Variants in QDPR observed in about 807,000 individuals in gnomAD.
QDPR encodes the protein quinoid dihydropteridine reductase, also known as dihydropteridine reductase.
QDPR carries 23 observed loss-of-function variants against 31.7 expected under a neutral mutation model. That is an observed-to-expected ratio of 0.73 (90% CI 0.52 to 1.03). The LOEUF (loss-of-function observed/expected upper bound fraction) is 1.03. Ranked by LOEUF, QDPR falls within the 50% of genes least tolerant of loss-of-function variation. The pLI, the probability that QDPR is intolerant of heterozygous loss-of-function variation, is 0.00. For missense variants in QDPR, 324 were observed against 323.8 expected (o/e 1.00, Z 0.00); for synonymous variants, 124 against 124.7 (o/e 0.99, Z 0.03).
intron 3 of QDPR, among the ~76,000 whole-genome samples, chr4:17,503,555 G>C (rs992685309): frequency 6.6e-6 from 1 of 152,210 alleles, no homozygotes; most frequent in Non-Finnish European, 1.5e-5. Flanking sequence ...CTCAAGTACA[G>C]CAAATGTTAA....
chr4:17,505,922 C>A (rs1366171125), intron 2 of QDPR, among the ~76,000 whole-genome samples: 1 of 152,188 alleles, frequency 6.6e-6, no homozygotes, highest in Non-Finnish European at 1.5e-5. Flanking sequence ...ACGCATCTCT[C>A]AATCTCTGTC....
intron 2 of QDPR, among the ~76,000 whole-genome samples, chr4:17,506,904 C>G (rs1577194548): frequency 6.6e-6 from 1 of 152,284 alleles, no homozygotes; most frequent in East Asian, 1.9e-4. Flanking sequence ...CAGAGTTGTG[C>G]TCACAGTTTT....
At chr4:17,509,454 T>C in intron 1 of QDPR, 91 bp from the exon 2 acceptor site, 2 of 1,163,232 alleles carry the variant, frequency 1.7e-6, no homozygotes, top group Middle Eastern at 2.2e-4. Flanking sequence ...TGGCCAGGTG[T>C]AGTGGTTCAC....
At chr4:17,499,775 C>T (rs1391367027) in intron 4 of QDPR, among the ~76,000 whole-genome samples, 1 of 152,088 alleles carries the variant, frequency 6.6e-6, no homozygotes, top group Non-Finnish European at 1.5e-5. Flanking sequence ...CAAAAATTAG[C>T]CAGGCATGGC....
At chr4:17,497,416 CCCA>C (rs1431178481) in intron 4 of QDPR, among the ~76,000 whole-genome samples, 8 of 150,834 alleles carry the variant, frequency 5.3e-5, no homozygotes, top group African/African-American at 2.0e-4. Flanking sequence ...TGGACTCACC[CCCA>C]CCAAGAGCAC....
intron 5 of QDPR, 24 bp from the exon 6 acceptor site, chr4:17,490,769 G>C (rs373126093): frequency 6.3e-7 from 1 of 1,583,322 alleles, no homozygotes; most frequent in East Asian, 2.2e-5. Flanking sequence ...AGATAAGCAC[G>C]TCATTCATGT....
intron 4 of QDPR, among the ~76,000 whole-genome samples, chr4:17,498,459 CTT>C (rs941399308): frequency 2.2e-4 from 33 of 152,190 alleles, no homozygotes; most frequent in Non-Finnish European, 4.0e-4. Context: ...AGAGCTCTCT[CTT>C]GACTCCATTC....
At chr4:17,490,800 T>G in intron 5 of QDPR, 55 bp from the exon 6 acceptor site, 1 of 1,445,048 alleles carries the variant, frequency 6.9e-7, no homozygotes, top group Non-Finnish European at 9.7e-7. Context: ...TAACAACAGG[T>G]GCCCAGTCCC....
chr4:17,501,873 A>G lies in QDPR; in HGVS notation c.296-14T>C. ...TCTTAAAGAGAGCTGAGTGAAAAAA[A>G]CATGTGGGCTCAGCATTCCCAGGAA... On this transcript the variant is annotated splice_polypyrimidine_tract_variant and intron_variant, in intron 3 of 6. Coordinates refer to ENST00000281243, the MANE Select transcript of QDPR (RefSeq NM_000320.3). 2 of 1,614,070 alleles carry G rather than the reference A, an allele frequency of 1.2e-6. No homozygotes were observed. The highest frequency in any genetic ancestry group is 1.7e-6 in the Non-Finnish European group (2 of 1,179,990).
chr4:17,502,465 C>CA (rs1718606264), intron 3 of QDPR, among the ~76,000 whole-genome samples: 1 of 151,954 alleles, frequency 6.6e-6, no homozygotes, highest in African/African-American at 2.4e-5. Context: ...ACCTGGTGAT[C>CA]AAAAAAGGAT....
In QDPR at chr4:17,492,340, C is replaced by G. The variant is rs144673363; in HGVS notation, c.437G>C (p.Gly146Ala). ...CTTGGCCATGCCGTACCCGATCATA[C>G]CTGGGAAATGGGGAGAAGATGGCTC... ...GAKAALDGTP[G>A]MIGYGMAKGA... The change falls in exon 5 of 7, where the codon GGT becomes GCT. Residue 146 changes from glycine (G) to alanine (A), a missense_variant and splice_region_variant. Transcript: ENST00000281243. 3 of 1,613,694 alleles carry G rather than the reference C, an allele frequency of 1.9e-6. No individual in the cohort carries two copies. Among genetic ancestry groups the G allele is most frequent in the African/African-American group, 2.7e-5 (2 of 74,916 alleles).
chr4:17,502,630 C>T (rs912191926), intron 3 of QDPR, among the ~76,000 whole-genome samples: 4 of 152,240 alleles, frequency 2.6e-5, no homozygotes, highest in African/African-American at 9.6e-5. Flanking sequence ...CTAACCTGAT[C>T]ACCTCACAAA....
At chr4:17,491,759 A>G (rs1718172027) in intron 5 of QDPR, among the ~76,000 whole-genome samples, 1 of 152,192 alleles carries the variant, frequency 6.6e-6, no homozygotes, top group Admixed American at 6.5e-5. Flanking sequence ...TATGGTCTGA[A>G]TGTATCCCCC....
Position 17,509,234 on chromosome 4 carries a change from T to A in QDPR, c.198+37A>T, listed in dbSNP as rs139219760. ...AGCCAGTGGTCACCTCTCCCCAGGG[T>A]TCCCCTCACAATGTTTGGGGGCCTT... On this transcript the variant is annotated intron_variant, in intron 2 of 6. Coordinates refer to ENST00000281243, the MANE Select transcript of QDPR (RefSeq NM_000320.3). The A allele has an allele frequency of 2.0e-6, 3 of 1,505,248 alleles. No individual in the cohort carries two copies. In the African/African-American group the frequency reaches 4.1e-5, roughly 21 times the overall value. The allele number at this position is 1,505,248 out of a possible 1,614,324, so 93.2% of individuals were successfully genotyped here.
At chr4:17,492,145 C>A in intron 5 of QDPR, 87 bp downstream of exon 5, 1 of 1,053,438 alleles carries the variant, frequency 9.5e-7, no homozygotes, top group East Asian at 2.4e-5. Flanking sequence ...ACACCCAGGT[C>A]GCCTGTGGAA....
intron 6 of QDPR, among the ~76,000 whole-genome samples, chr4:17,489,874 A>G (rs1170991457): frequency 6.6e-6 from 1 of 152,204 alleles, no homozygotes; most frequent in East Asian, 1.9e-4. Context: ...AGCAGTTTAC[A>G]CAGAGGCACT....
chr4:17,504,470 A>G lies in QDPR; in HGVS notation c.204T>C (p.Thr68=), dbSNP rs577256286. Residue 68 remains threonine (T), a synonymous_variant, in exon 3 of 7, where the codon ACT becomes ACC. Coordinates refer to ENST00000281243, the MANE Select transcript of QDPR (RefSeq NM_000320.3). ...DSFTEQADQV[T]AEVGKLLGEE... ...CACCCAAGAGCTTTCCAACCTCAGC[A>G]GTCACCTTCAACACAAGAACAAAAA... is the stretch of plus-strand genomic sequence containing the variant. 5 of 1,614,008 alleles carry G rather than the reference A, an allele frequency of 3.1e-6. No homozygotes were observed. In the South Asian group the frequency reaches 5.5e-5, roughly 18 times the overall value.
intron 5 of QDPR, 44 bp downstream of exon 5, chr4:17,492,188 G>A (rs370222711): frequency 1.0e-5 from 16 of 1,535,750 alleles, no homozygotes; most frequent in Non-Finnish European, 1.4e-5. Context: ...ACCTGCAGCA[G>A]TGGGGCAGAG....
Position 17,490,717 on chromosome 4 carries a change from T to G in QDPR, c.574A>C (p.Lys192Gln). The change falls in exon 6 of 7, where the codon AAA becomes CAA. Residue 192 changes from lysine to glutamine, a missense_variant. Coordinates refer to ENST00000281243, the MANE Select transcript of QDPR (RefSeq NM_000320.3). ...CTGAAGTCAGCCTCAGGCATTGATT[T>G]CCTGTTCATCGGGGTATCCAGGGTA... Reference protein sequence around the residue: ...PVTLDTPMNRKSMPEADFSSW... With the variant: ...PVTLDTPMNRQSMPEADFSSW... 6.2e-7 allele frequency: 1 copy of G among 1,614,054 alleles called. No individual in the cohort carries two copies.
Sources: allele counts gnomAD v4.1 joint callset (sites outside exome capture counted in the v4.1 genomes callset), GRCh38; gene constraint gnomAD v4.1.1; transcripts MANE v1.5; gene names NCBI Gene and HGNC (gene_info 2026-07-23, HGNC 2026-07-21).